CREB5: variants seen among roughly 807,000 people sequenced by gnomAD.
CREB5 encodes the protein cyclic AMP-responsive element-binding protein 5.
CREB5 carries 19 observed loss-of-function variants against 57.1 expected under a neutral mutation model. The ratio of observed to expected loss-of-function variants is 0.33; its 90% CI spans 0.23 to 0.49. The LOEUF (loss-of-function observed/expected upper bound fraction) is 0.49. Among genes scored for constraint, CREB5 ranks in the 20% least tolerant of loss-of-function variants. The pLI is 0.99. For synonymous variants in CREB5, 238 were observed against 238.3 expected, an observed-to-expected ratio of 1.00 and a Z score of 0.01; for missense variants, 579 against 671.6, an observed-to-expected ratio of 0.86 and a Z score of 1.52.
chr7:28,301,744 G>C (rs914889128), intron 1 of CREB5, among the ~76,000 whole-genome samples: 4 of 152,214 alleles, frequency 2.6e-5, no homozygotes, highest in Non-Finnish European at 4.4e-5. Flanking sequence ...CCAAATGTTT[G>C]TTCTGTTGTT....
At chr7:28,814,788 C>T (rs1316063286) in intron 9 of CREB5, among the ~76,000 whole-genome samples, 2 of 152,142 alleles carry the variant, frequency 1.3e-5, no homozygotes, top group African/African-American at 4.8e-5. Flanking sequence ...AGTTCCTTTT[C>T]CTACTGGATG....
At chr7:28,710,965 T>G (rs1419067674) in intron 5 of CREB5, among the ~76,000 whole-genome samples, 1 of 152,136 alleles carries the variant, frequency 6.6e-6, no homozygotes, top group Non-Finnish European at 1.5e-5. Flanking sequence ...TGGTGAAGAT[T>G]ACATATGTCA....
intron 5 of CREB5, among the ~76,000 whole-genome samples, chr7:28,606,389 G>C (rs1188855740): frequency 6.6e-6 from 1 of 152,088 alleles, no homozygotes; most frequent in Non-Finnish European, 1.5e-5. Flanking sequence ...ATAATTACCT[G>C]ATGAGTTACC....
chr7:28,506,563 A>C (rs1438688598), intron 3 of CREB5, among the ~76,000 whole-genome samples: 1 of 152,246 alleles, frequency 6.6e-6, no homozygotes, highest in South Asian at 2.1e-4. Context: ...GGAGACCTTA[A>C]GCAAGACTGT....
At chr7:28,566,966 C>G (rs1451242012) in intron 4 of CREB5, among the ~76,000 whole-genome samples, 2 of 152,120 alleles carry the variant, frequency 1.3e-5, no homozygotes, top group African/African-American at 4.8e-5. Flanking sequence ...AGAGAAGATT[C>G]TTAAACTTTT....
intron 7 of CREB5, among the ~76,000 whole-genome samples, chr7:28,734,070 G>C (rs1193888664): frequency 6.6e-6 from 1 of 152,102 alleles, no homozygotes; most frequent in Non-Finnish European, 1.5e-5. Flanking sequence ...GTCAAGTGCA[G>C]CTCTGCAGAG....
At chr7:28,541,790 G>A (rs1794221134) in intron 4 of CREB5, among the ~76,000 whole-genome samples, 1 of 152,202 alleles carries the variant, frequency 6.6e-6, no homozygotes, top group African/African-American at 2.4e-5. Flanking sequence ...CATGTTTATG[G>A]TGTTTCCCCT....
At chr7:28,629,335 C>T (rs1583446133) in intron 5 of CREB5, among the ~76,000 whole-genome samples, 1 of 152,328 alleles carries the variant, frequency 6.6e-6, no homozygotes, top group South Asian at 2.1e-4. Flanking sequence ...CCACCTCCTC[C>T]CTTTCCTTGG....
chr7:28,428,470 G>C (rs558987039), intron 1 of CREB5, among the ~76,000 whole-genome samples: 1 of 152,312 alleles, frequency 6.6e-6, no homozygotes, highest in South Asian at 2.1e-4. Flanking sequence ...TCTGGGAAAG[G>C]TGGTGAGAAA....
intron 5 of CREB5, among the ~76,000 whole-genome samples, chr7:28,633,955 G>T (rs958771574): frequency 6.6e-6 from 1 of 152,200 alleles, no homozygotes; most frequent in East Asian, 1.9e-4. Flanking sequence ...TCTTAAAGAA[G>T]AGAGTGAAAA....
chr7:28,433,227 C>T (rs993168834), intron 1 of CREB5, among the ~76,000 whole-genome samples: 3 of 152,152 alleles, frequency 2.0e-5, no homozygotes, highest in Admixed American at 6.6e-5. Context: ...ACTGCTTTCA[C>T]AACAGCTTGT....
At chr7:28,393,538 T>C (rs754988205) in intron 1 of CREB5, among the ~76,000 whole-genome samples, 2 of 152,220 alleles carry the variant, frequency 1.3e-5, no homozygotes, top group African/African-American at 2.4e-5. Flanking sequence ...TCAGGTCAAC[T>C]TTTGGCTTCT....
At chr7:28,686,748 AT>A (rs1800951594) in intron 5 of CREB5, among the ~76,000 whole-genome samples, 1 of 152,244 alleles carries the variant, frequency 6.6e-6, no homozygotes, top group African/African-American at 2.4e-5. Flanking sequence ...TCAGTTTATT[AT>A]CAATTGCAGT....
At chr7:28,420,504 A>G (rs969630570) in intron 1 of CREB5, among the ~76,000 whole-genome samples, 6 of 152,182 alleles carry the variant, frequency 3.9e-5, no homozygotes, top group Admixed American at 3.9e-4. Flanking sequence ...TGAACTGTAT[A>G]CTTAAAAATG....
intron 1 of CREB5, among the ~76,000 whole-genome samples, chr7:28,326,173 CT>C (rs1285001816): frequency 2.7e-5 from 4 of 147,956 alleles, no homozygotes; most frequent in African/African-American, 9.8e-5. Flanking sequence ...ATCTATCTAT[CT>C]ATCTATCTAT....
At chr7:28,801,344 T>C (rs11982856) in intron 7 of CREB5, among the ~76,000 whole-genome samples, 6,037 of 152,290 alleles carry the variant, frequency 0.04, 255 homozygotes, top group African/African-American at 0.1. Flanking sequence ...AGGAATAGTT[T>C]AGAAAGTCCA....
intron 1 of CREB5, among the ~76,000 whole-genome samples, chr7:28,452,009 C>G (rs1052672353): frequency 2.0e-5 from 3 of 152,116 alleles, no homozygotes; most frequent in Non-Finnish European, 2.9e-5. Context: ...CTCCCTTTAC[C>G]GAGGGAGAAA....
At chr7:28,719,531 C>T (rs2128747004) in intron 6 of CREB5, among the ~76,000 whole-genome samples, 1 of 152,266 alleles carries the variant, frequency 6.6e-6, no homozygotes, top group South Asian at 2.1e-4. Flanking sequence ...GTTCTAGAGC[C>T]CACTCTCTTA....
chr7:28,506,033 C>T (rs1792467319), intron 3 of CREB5, among the ~76,000 whole-genome samples: 1 of 152,200 alleles, frequency 6.6e-6, no homozygotes, highest in African/African-American at 2.4e-5. Context: ...GCAAGGAGCT[C>T]AGTATCTTGG....
Sources: gnomAD v4.1 joint callset for allele counts (sites outside exome capture counted in the v4.1 genomes callset) on GRCh38, gnomAD v4.1.1 for gene constraint, MANE v1.5 for transcripts, NCBI Gene and HGNC (gene_info 2026-07-23, HGNC 2026-07-21) for gene names.